GRIK3: variants seen among roughly 807,000 people sequenced by gnomAD.
The protein encoded by GRIK3 is glutamate receptor ionotropic, kainate 3.
A neutral mutation model predicts 102.5 loss-of-function variants in GRIK3; 29 were observed. The ratio of observed to expected loss-of-function variants is 0.28; its 90% CI spans 0.21 to 0.39. The LOEUF is 0.39. Among genes scored for constraint, GRIK3 ranks in the 10% least tolerant of loss-of-function variants. The pLI is 1.00. For synonymous variants in GRIK3, 511 were observed against 504.9 expected (o/e 1.01, Z -0.16); for missense variants, 908 against 1,252.4 (o/e 0.73, Z 4.15).
chr1:36,947,808 C>A (rs552797342), intron 1 of GRIK3, among the ~76,000 whole-genome samples: 6 of 152,244 alleles, frequency 3.9e-5, no homozygotes, highest in African/African-American at 9.6e-5. Flanking sequence ...AGAGCCATGC[C>A]AGCCCCTCAC....
At chr1:37,022,295 G>A (rs1396634498) in intron 1 of GRIK3, among the ~76,000 whole-genome samples, 1 of 152,168 alleles carries the variant, frequency 6.6e-6, no homozygotes, top group Non-Finnish European at 1.5e-5. Context: ...GCCTATTAAC[G>A]ACAGCACAGC....
chr1:36,998,979 AGTGTGTGT>A (rs768062478), intron 1 of GRIK3, among the ~76,000 whole-genome samples: 2 of 128,296 alleles, frequency 1.6e-5, no homozygotes, highest in African/African-American at 6.5e-5. Flanking sequence ...GAACTTTGGA[AGTGTGTGT>A]GTGTGTGTGT....
intron 13 of GRIK3, among the ~76,000 whole-genome samples, chr1:36,814,771 A>T (rs149750197): frequency 5.1e-4 from 78 of 152,140 alleles, no homozygotes; most frequent in African/African-American, 1.7e-3. Context: ...ACTTATCTAG[A>T]CATACCCATG....
At chr1:36,962,640 AAGAGAGAGAGAG>A (rs5773557) in intron 1 of GRIK3, among the ~76,000 whole-genome samples, 2 of 144,968 alleles carry the variant, frequency 1.4e-5, no homozygotes, top group East Asian at 2.0e-4. Flanking sequence ...GAGGGAGAGG[AAGAGAGAGAGAG>A]AGAGAGAGAG....
chr1:37,013,280 C>T lies in GRIK3; in HGVS notation c.115+20714G>A, dbSNP rs376867497. Among the ~76,000 whole-genome samples, 103 of 152,312 alleles carry T rather than the reference C, an allele frequency of 6.8e-4. 3 individuals carry two copies. The South Asian group carries it at 0.02, about 30-fold the overall frequency. On this transcript the variant is annotated intron_variant, in intron 1 of 15. Transcript: ENST00000373091. ...CCACAACATGTAGGAATTATGGGAG[C>T]TACAAGATGAGATCTGGGTGGGGAC...
chr1:36,835,058 C>CT (rs1640356567), intron 10 of GRIK3, among the ~76,000 whole-genome samples: 1 of 152,244 alleles, frequency 6.6e-6, no homozygotes, highest in Non-Finnish European at 1.5e-5. Flanking sequence ...TGAAATATCA[C>CT]TTGTCTGATT....
chr1:36,970,573 T>C (rs945574574), intron 1 of GRIK3, among the ~76,000 whole-genome samples: 1 of 152,218 alleles, frequency 6.6e-6, no homozygotes, highest in African/African-American at 2.4e-5. Context: ...GGTGGATGAA[T>C]GGTTGGACAG....
chr1:37,008,795 A>G (rs892663751), intron 1 of GRIK3, among the ~76,000 whole-genome samples: 1 of 152,226 alleles, frequency 6.6e-6, no homozygotes, highest in Admixed American at 6.5e-5. Context: ...CTGATTTCTG[A>G]GAAATGCCAG....
chr1:36,928,156 C>A (rs924860005), intron 1 of GRIK3, among the ~76,000 whole-genome samples: 1 of 152,114 alleles, frequency 6.6e-6, no homozygotes, highest in Non-Finnish European at 1.5e-5. Context: ...TTGAGGTAGC[C>A]ACTAACTTGG....
At chr1:36,971,452 C>A in intron 1 of GRIK3, among the ~76,000 whole-genome samples, 1 of 152,198 alleles carries the variant, frequency 6.6e-6, no homozygotes, top group South Asian at 2.1e-4. Context: ...TACCCCTAGA[C>A]TGCCAATTCT....
rs538796431 is a variant in GRIK3 at position 36,880,296 on chromosome 1, G to A, written c.550+338C>T. Among the ~76,000 whole-genome samples the A allele has an allele frequency of 4.9e-4, 74 of 152,268 alleles. No individual in the cohort carries two copies. The highest frequency in any genetic ancestry group is 1.7e-3 in the African/African-American group (69 of 41,544). On this transcript the variant is annotated intron_variant, in intron 3 of 15. Transcript: ENST00000373091. The surrounding 1 kb of genome is among the most constrained non-coding windows in gnomAD (Gnocchi z 5.4). ...TTGCAGCAGATGGAAATGTGTGAGC[G>A]TAAGGGCATGGGCAGGTGTCGGTGT...
chr1:36,982,065 C>T (rs967197912), intron 1 of GRIK3, among the ~76,000 whole-genome samples: 8 of 152,182 alleles, frequency 5.3e-5, no homozygotes, highest in African/African-American at 1.4e-4. Context: ...CTACTCCCTC[C>T]GGCTCCTGAA....
At chr1:36,956,663 C>A (rs1641915894) in intron 1 of GRIK3, among the ~76,000 whole-genome samples, 1 of 152,132 alleles carries the variant, frequency 6.6e-6, no homozygotes, top group Admixed American at 6.5e-5. Context: ...GTGAGGGGAG[C>A]ACAGAACAAA....
At chr1:36,955,309 G>C (rs567436920) in intron 1 of GRIK3, among the ~76,000 whole-genome samples, 1 of 152,186 alleles carries the variant, frequency 6.6e-6, no homozygotes, top group Non-Finnish European at 1.5e-5. Context: ...GGGTACAGGG[G>C]CTGGGCCTGA....
At chr1:37,031,031 C>T (rs1642822076) in intron 1 of GRIK3, among the ~76,000 whole-genome samples, 1 of 152,118 alleles carries the variant, frequency 6.6e-6, no homozygotes, top group Non-Finnish European at 1.5e-5. Flanking sequence ...TTCAGGTCCC[C>T]ACGGGAGGTC....
chr1:36,911,982 C>T (rs566237850), intron 1 of GRIK3, among the ~76,000 whole-genome samples: 26 of 152,096 alleles, frequency 1.7e-4, no homozygotes, highest in Non-Finnish European at 1.8e-4. Flanking sequence ...GCAGAAAGGA[C>T]AACTCCCTTA....
intron 1 of GRIK3, among the ~76,000 whole-genome samples, chr1:37,012,290 C>G (rs1032262650): frequency 6.6e-6 from 1 of 152,296 alleles, no homozygotes; most frequent in East Asian, 1.9e-4. Context: ...TGCTGGATTG[C>G]GACAAGCAGG....
At chr1:36,825,352 T>C (rs1344392754) in intron 11 of GRIK3, among the ~76,000 whole-genome samples, 1 of 152,118 alleles carries the variant, frequency 6.6e-6, no homozygotes, top group African/African-American at 2.4e-5. Flanking sequence ...GTGCAACTGC[T>C]TCATCTCAGA....
At chr1:36,829,146 A>G (rs1278078642) in intron 10 of GRIK3, among the ~76,000 whole-genome samples, 1 of 152,204 alleles carries the variant, frequency 6.6e-6, no homozygotes, top group Non-Finnish European at 1.5e-5. Context: ...AGAAAATACT[A>G]CATTTCACCG....
Sources: gnomAD v4.1 joint callset for allele counts (sites outside exome capture counted in the v4.1 genomes callset) on GRCh38, gnomAD v4.1.1 for gene constraint, Gnocchi (gnomAD v3.1) non-coding constraint, MANE v1.5 for transcripts, NCBI Gene and HGNC (gene_info 2026-07-23, HGNC 2026-07-21) for gene names.